Variants in SSBP2 observed in about 807,000 individuals in gnomAD.
SSBP2 encodes single stranded DNA binding protein 2, also known as single-stranded DNA-binding protein 2.
In SSBP2, 17 loss-of-function variants were observed where a neutral mutation model predicts 61.8. The ratio of observed to expected loss-of-function variants is 0.28; its 90% confidence interval spans 0.19 to 0.41. The LOEUF is 0.41. Ranked by LOEUF, SSBP2 falls within the 10% of genes least tolerant of loss-of-function variation. The pLI, the probability that SSBP2 is intolerant of heterozygous loss-of-function variation, is 1.00. For synonymous variants in SSBP2, 139 were observed against 141.3 expected (o/e 0.98, Z 0.12); for missense variants, 310 against 458.7 (o/e 0.68, Z 2.96).
chr5:81,455,488 G>A lies in SSBP2; in HGVS notation c.687+5567C>T, dbSNP rs1406033898. Among the ~76,000 whole-genome samples the A allele has an allele frequency of 2.1e-5, 2 of 97,212 alleles. 1 individual carries two copies. Among genetic ancestry groups the A allele is most frequent in the Non-Finnish European group, 3.6e-5 (2 of 55,492 alleles). The allele number at this position is 97,212 out of a possible 152,430, so 63.8% of individuals were successfully genotyped here. A position where few individuals can be genotyped will look rare whatever the true frequency, so the allele number is the denominator to read the frequency against. ...CAAAAAATTAGCCGGGCGCGGTGGC[G>A]GGCGCCTGTAGTCCCAGCTACTCGG... On this transcript the variant is annotated intron_variant, in intron 10 of 16. Coordinates refer to ENST00000320672, the MANE Select transcript of SSBP2 (RefSeq NM_012446.5).
chr5:81,667,380 C>T (rs1416304483), intron 1 of SSBP2, among the ~76,000 whole-genome samples: 1 of 150,826 alleles, frequency 6.6e-6, no homozygotes, highest in African/African-American at 2.4e-5. Context: ...AGGCAAAGAA[C>T]CATTGCTCCC....
chr5:81,565,285 G>A (rs150360050), intron 4 of SSBP2, among the ~76,000 whole-genome samples: 82 of 152,230 alleles, frequency 5.4e-4, no homozygotes, highest in African/African-American at 1.9e-3. Flanking sequence ...AAATGCCTAT[G>A]AGTTATCTTG....
chr5:81,604,632 T>C (rs753850551), intron 4 of SSBP2, among the ~76,000 whole-genome samples: 10 of 152,018 alleles, frequency 6.6e-5, no homozygotes, highest in African/African-American at 2.2e-4. Context: ...GAAAAGAAGA[T>C]AGGTATGGTA....
At chr5:81,739,369 G>A (rs543233687) in intron 1 of SSBP2, among the ~76,000 whole-genome samples, 1 of 152,038 alleles carries the variant, frequency 6.6e-6, no homozygotes, top group African/African-American at 2.4e-5. Context: ...CTCTTTACTT[G>A]CCCCATCTTC....
At chr5:81,496,783 G>A (rs1380553335) in intron 5 of SSBP2, among the ~76,000 whole-genome samples, 2 of 152,104 alleles carry the variant, frequency 1.3e-5, no homozygotes, top group Non-Finnish European at 2.9e-5. Context: ...TGCCATTTTA[G>A]TCTTCTTTTC....
intron 16 of SSBP2, among the ~76,000 whole-genome samples, chr5:81,426,373 G>C (rs1349223464): frequency 2.0e-5 from 3 of 152,216 alleles, no homozygotes; most frequent in African/African-American, 7.2e-5. Flanking sequence ...GGGTGGTGGT[G>C]CAGTTTCTCA....
At chr5:81,424,081 A>G (rs1761790605) in intron 16 of SSBP2, among the ~76,000 whole-genome samples, 1 of 152,064 alleles carries the variant, frequency 6.6e-6, no homozygotes, top group Admixed American at 6.5e-5. Context: ...TGAGGGCCCA[A>G]TTCAGTCAAA....
intron 4 of SSBP2, among the ~76,000 whole-genome samples, chr5:81,570,168 T>C (rs187217754): frequency 6.6e-6 from 1 of 152,294 alleles, no homozygotes; most frequent in Admixed American, 6.5e-5. Context: ...TGTAAAACAC[T>C]ATAAAACATT....
chr5:81,458,363 CA>C (rs559225796), intron 10 of SSBP2, among the ~76,000 whole-genome samples: 177 of 152,226 alleles, frequency 1.2e-3, no homozygotes, highest in African/African-American at 2.6e-3. Flanking sequence ...AGGAAATATA[CA>C]TGCAAGTATT....
intron 12 of SSBP2, among the ~76,000 whole-genome samples, chr5:81,443,853 C>T (rs866299411): frequency 2.6e-5 from 4 of 152,306 alleles, no homozygotes; most frequent in East Asian, 1.9e-4. Flanking sequence ...TGAGCCACCG[C>T]GCCCCGCCAG....
At chr5:81,580,054 G>A (rs1682386776) in intron 4 of SSBP2, among the ~76,000 whole-genome samples, 1 of 151,996 alleles carries the variant, frequency 6.6e-6, no homozygotes, top group African/African-American at 2.4e-5. Flanking sequence ...AATGGGCCTT[G>A]CAGAAAGGTT....
chr5:81,699,854 C>CTTTT (rs3081889), intron 1 of SSBP2, among the ~76,000 whole-genome samples: 3 of 124,860 alleles, frequency 2.4e-5, no homozygotes, highest in Non-Finnish European at 3.3e-5. Context: ...AAATCAATTT[C>CTTTT]TTTTTTTTTT....
intron 3 of SSBP2, among the ~76,000 whole-genome samples, chr5:81,635,935 T>A (rs1049092257): frequency 1.3e-5 from 2 of 152,186 alleles, no homozygotes; most frequent in Non-Finnish European, 2.9e-5. Context: ...AGCCCTGCTC[T>A]CTCCCAAATT....
At chr5:81,714,468 G>A (rs1755040648) in intron 1 of SSBP2, among the ~76,000 whole-genome samples, 1 of 152,140 alleles carries the variant, frequency 6.6e-6, no homozygotes, top group Non-Finnish European at 1.5e-5. Flanking sequence ...CTAGATCCTT[G>A]AGGAATTGCC....
chr5:81,577,718 T>G (rs1774318714), intron 4 of SSBP2, among the ~76,000 whole-genome samples: 1 of 151,860 alleles, frequency 6.6e-6, no homozygotes, highest in Admixed American at 6.6e-5. Context: ...CCACATAACT[T>G]GGTAAGCAAA....
chr5:81,681,452 A>G (rs1752372923), intron 1 of SSBP2, among the ~76,000 whole-genome samples: 1 of 151,316 alleles, frequency 6.6e-6, no homozygotes, highest in Admixed American at 6.6e-5. Flanking sequence ...CCCAACAGGC[A>G]GAGGTTGCAG....
chr5:81,564,426 T>C (rs910571882), intron 4 of SSBP2, among the ~76,000 whole-genome samples: 1 of 152,258 alleles, frequency 6.6e-6, no homozygotes, highest in Non-Finnish European at 1.5e-5. Context: ...GTTTCAGTTC[T>C]GAGTACTTGT....
intron 4 of SSBP2, among the ~76,000 whole-genome samples, chr5:81,524,253 T>G (rs1223823379): frequency 1.3e-5 from 2 of 152,128 alleles, no homozygotes; most frequent in Admixed American, 1.3e-4. Context: ...CCTCACTGAT[T>G]CCTACAACTA....
chr5:81,519,947 T>C (rs1308439428), intron 4 of SSBP2, among the ~76,000 whole-genome samples: 1 of 152,154 alleles, frequency 6.6e-6, no homozygotes, highest in Non-Finnish European at 1.5e-5. Context: ...GTTTTATTTA[T>C]TTTCAAACAT....
Sources: allele counts gnomAD v4.1 joint callset (sites outside exome capture counted in the v4.1 genomes callset), GRCh38; gene constraint gnomAD v4.1.1; transcripts MANE v1.5; gene names NCBI Gene and HGNC (gene_info 2026-07-23, HGNC 2026-07-21).